The following FBXL2 variants were observed in gnomAD, a reference collection of about 807,000 sequenced individuals.
The protein encoded by FBXL2 is F-box/LRR-repeat protein 2.
Under a neutral mutation model 69.2 loss-of-function variants are expected in FBXL2, and 38 were observed. The observed-to-expected ratio is 0.55, with a 90% confidence interval of 0.42 to 0.72. FBXL2 has a LOEUF of 0.72. Ranked by LOEUF, FBXL2 falls within the 30% of genes least tolerant of loss-of-function variation. The probability of loss-of-function intolerance (pLI) is 0.00; values close to 1 mark genes in which losing one functional copy is unlikely to be tolerated. For missense variants in FBXL2, 354 were observed against 520.3 expected (o/e 0.68, Z 3.11); for synonymous variants, 192 against 201.3 (o/e 0.95, Z 0.39).
chr3:33,378,984 T>G, intron 13 of FBXL2: 1 of 684,982 alleles, frequency 1.5e-6, no homozygotes, highest in Non-Finnish European at 2.3e-6. Flanking sequence ...GTTGGGGAAC[T>G]CTACCAAACA....
chr3:33,291,458 A>G (rs758726329), intron 1 of FBXL2, among the ~76,000 whole-genome samples: 2 of 152,222 alleles, frequency 1.3e-5, no homozygotes, highest in Non-Finnish European at 2.9e-5. Context: ...AAATATATGG[A>G]TAAATATAAG....
At chr3:33,337,655 G>A (rs2039696479) in intron 2 of FBXL2, among the ~76,000 whole-genome samples, 1 of 152,154 alleles carries the variant, frequency 6.6e-6, no homozygotes, top group Non-Finnish European at 1.5e-5. Flanking sequence ...GATCCAGGTA[G>A]GAAGAAAGGA....
chr3:33,381,927 T>C (rs2043092389), intron 13 of FBXL2, among the ~76,000 whole-genome samples: 2 of 152,224 alleles, frequency 1.3e-5, no homozygotes, highest in African/African-American at 2.4e-5. Context: ...GAAGAATCTT[T>C]AAAGCATCAA....
At chr3:33,392,912 T>G, downstream of FBXL2, 1 of 361,886 alleles carries the variant, frequency 2.8e-6, no homozygotes, top group Non-Finnish European at 4.9e-6. Flanking sequence ...TAAAGTGCTC[T>G]TCTATTATTA....
the FBXL2 span, among the ~76,000 whole-genome samples, chr3:33,413,560 A>C: frequency 1.3e-5 from 2 of 151,824 alleles, no homozygotes; most frequent in East Asian, 1.9e-4. Context: ...AAAAAAAAAA[A>C]AAAAACTTTG....
intron 1 of FBXL2, among the ~76,000 whole-genome samples, chr3:33,288,557 G>T (rs1258774124): frequency 1.3e-5 from 2 of 152,190 alleles, no homozygotes; most frequent in East Asian, 3.8e-4. Context: ...AGTGACATTT[G>T]AGCAGAGGAT....
At chr3:33,390,670 C>T, downstream of FBXL2, 1 of 393,688 alleles carries the variant, frequency 2.5e-6, no homozygotes. Flanking sequence ...TAGTGCTGTC[C>T]ATAAGGGGAG....
chr3:33,329,062 A>G (rs1266364714), intron 2 of FBXL2, among the ~76,000 whole-genome samples: 1 of 152,108 alleles, frequency 6.6e-6, no homozygotes, highest in African/African-American at 2.4e-5. Context: ...ACAAACACCT[A>G]CCTTCCCCCG....
chr3:33,393,437 A>G (rs1248748956), intron 12 of FBXL2: 1 of 1,604,394 alleles, frequency 6.2e-7, no homozygotes, highest in Non-Finnish European at 8.5e-7. Context: ...ATTTCTTCCA[A>G]GTAGATTGCA....
At chr3:33,310,637 A>G (rs2037108904) in intron 2 of FBXL2, among the ~76,000 whole-genome samples, 1 of 152,048 alleles carries the variant, frequency 6.6e-6, no homozygotes, top group Admixed American at 6.5e-5. Flanking sequence ...TATTTTTTGT[A>G]AGGTAGGTCT....
chr3:33,318,408 C>G (rs549942734), intron 2 of FBXL2, among the ~76,000 whole-genome samples: 1 of 152,118 alleles, frequency 6.6e-6, no homozygotes, highest in Non-Finnish European at 1.5e-5. Context: ...GTTGAGTACT[C>G]TTTCTTTTAA....
upstream of FBXL2, chr3:33,277,441 C>G (rs971586469): frequency 4.5e-5 from 56 of 1,250,354 alleles, no homozygotes; most frequent in Non-Finnish European, 5.6e-5. Flanking sequence ...GCCTGGCTGG[C>G]GTCACCAGGA....
intron 2 of FBXL2, among the ~76,000 whole-genome samples, chr3:33,342,711 C>CTTTTT (rs71070130): frequency 0.054 from 2,045 of 37,976 alleles, 713 homozygotes; most frequent in Admixed American, 0.083. Context: ...AATATAACTT[C>CTTTTT]TTTTTTTTTT....
chr3:33,421,560 G>A, the FBXL2 span, among the ~76,000 whole-genome samples: 36 of 152,120 alleles, frequency 2.4e-4, no homozygotes, highest in African/African-American at 7.5e-4. Flanking sequence ...ATGCGCCACC[G>A]CACCCAGCCT....
intron 2 of FBXL2, 134 bp downstream of exon 2, chr3:33,297,859 T>C (rs2035883400): frequency 8.7e-6 from 6 of 689,050 alleles, no homozygotes; most frequent in Non-Finnish European, 1.3e-5. Flanking sequence ...TTTTTGTTTT[T>C]GTTTTATAGA....
downstream of FBXL2, chr3:33,393,040 G>A: frequency 2.7e-6 from 1 of 374,304 alleles, no homozygotes; most frequent in East Asian, 4.4e-5. Flanking sequence ...AAGGGCCAAA[G>A]CCTGCCACTA....
intron 2 of FBXL2, among the ~76,000 whole-genome samples, chr3:33,325,589 T>A (rs2125810292): frequency 6.6e-6 from 1 of 152,338 alleles, no homozygotes. Context: ...TCTTTCTTCA[T>A]CTAGGGATTC....
chr3:33,327,929 T>A (rs2038832130), intron 2 of FBXL2, among the ~76,000 whole-genome samples: 1 of 147,316 alleles, frequency 6.8e-6, no homozygotes. Flanking sequence ...CAACATGATC[T>A]TATATTTAGA....
At chr3:33,422,358 T>C in the FBXL2 span, among the ~76,000 whole-genome samples, 1 of 151,502 alleles carries the variant, frequency 6.6e-6, no homozygotes, top group Non-Finnish European at 1.5e-5. Flanking sequence ...CTGGGCAACA[T>C]AGCAAGATCC....
Sources: gnomAD v4.1 joint callset for allele counts (sites outside exome capture counted in the v4.1 genomes callset) on GRCh38, gnomAD v4.1.1 for gene constraint, MANE v1.5 for transcripts, NCBI Gene and HGNC (gene_info 2026-07-23, HGNC 2026-07-21) for gene names.